Variants in GCN1 observed in about 807,000 individuals in gnomAD.
GCN1 encodes the protein stalled ribosome sensor GCN1.
Under a neutral mutation model 288.4 loss-of-function variants are expected in GCN1, and 90 were observed. That is an observed-to-expected ratio of 0.31 (90% CI 0.26 to 0.37). The LOEUF is 0.37. GCN1 is among the 10% of genes least tolerant of loss of function. The pLI, the probability that GCN1 is intolerant of heterozygous loss-of-function variation, is 1.00. For synonymous variants in GCN1, 1,386 were observed against 1,420.2 expected (o/e 0.98, Z 0.54); for missense variants, 2,586 against 3,419.9 (o/e 0.76, Z 6.08).
intron 51 of GCN1, 49 bp downstream of exon 51, chr12:120,136,453 G>T: frequency 1.4e-6 from 2 of 1,404,990 alleles, no homozygotes; most frequent in Non-Finnish European, 1.0e-6. Flanking sequence ...TCAGGCTCCT[G>T]CAGACAGACC....
chr12:120,170,865 T>TA (rs765630742), intron 14 of GCN1, among the ~76,000 whole-genome samples: 1,921 of 143,758 alleles, frequency 0.013, 34 homozygotes, highest in African/African-American at 0.026. Flanking sequence ...TAAACTCTTT[T>TA]AAAAAAAAAA....
In GCN1 at chr12:120,142,532, G is replaced by A. The variant is rs1877230609; in HGVS notation, c.5804C>T (p.Ala1935Val). 1 of 1,613,750 alleles carries A rather than the reference G, an allele frequency of 6.2e-7. No individual in the cohort carries two copies. The highest frequency in any genetic ancestry group is 1.3e-5 in the African/African-American group (1 of 74,890). Reference sequence around the variant, plus strand: ...CGTTCTCTTATCTGCACACGTGCTGGCCAGGAAACCCAGCAGGAGCCCAAA... The same window carrying A: ...CGTTCTCTTATCTGCACACGTGCTGACCAGGAAACCCAGCAGGAGCCCAAA... The part of the protein sequence containing the change: ...TLFGLLLGFL[A>V]STCADKRTIA... Residue 1935 changes from alanine (A) to valine (V), a missense_variant, in exon 44 of 58, where the codon GCC (alanine) becomes GTC (valine). Ala to Val is a moderately conservative substitution (Grantham distance 64). Transcript: ENST00000300648. This position sits in a 1 kb window ranked among gnomAD's most constrained non-coding sequence, Gnocchi z 4.9.
At chr12:120,166,699 G>A (rs1257750065) in intron 16 of GCN1, among the ~76,000 whole-genome samples, 1 of 141,112 alleles carries the variant, frequency 7.1e-6, no homozygotes, top group African/African-American at 2.7e-5. Flanking sequence ...GCGAGACTCT[G>A]TCTCAAAAAA....
At chr12:120,194,307 T>C (rs1879098808) in intron 1 of GCN1, among the ~76,000 whole-genome samples, 1 of 152,226 alleles carries the variant, frequency 6.6e-6, no homozygotes, top group South Asian at 2.1e-4. Context: ...CAAAGAATAT[T>C]TGCTGAATAC....
At chr12:120,168,354 T>C in intron 15 of GCN1, 54 bp from the exon 16 acceptor site, 1 of 1,066,378 alleles carries the variant, frequency 9.4e-7, no homozygotes, top group South Asian at 1.3e-5. Flanking sequence ...CCCCCAGAGC[T>C]GATCTACTCC....
rs1184174830 is a variant in GCN1, at chr12:120,137,969, G to C, written c.6325C>G (p.Leu2109Val). The change falls in exon 48 of 58, where the codon CTT (leucine) becomes GTT (valine). Residue 2109 changes from leucine to valine, a missense_variant. Physicochemically the swap from Leu to Val is conservative, Grantham distance 32 (BLOSUM62 1). Around this residue, in one of 8 missense-constraint regions of GCN1, gnomAD observed 437 missense variants for 570.5 expected, o/e 0.77. Coordinates refer to ENST00000300648, the MANE Select transcript of GCN1 (RefSeq NM_006836.2). The surrounding 1 kb of genome is among the most constrained non-coding windows in gnomAD (Gnocchi z 5.2). ...SVAGDALTRH[L>V]GVILPAVMLA... ...ATGACCGCTGGGAGGATCACGCCAA[G>C]ATGACGGGTGAGGGCATCACCAGCC... 1.2e-6 allele frequency: 2 copies of C among 1,614,198 alleles called. No homozygotes were observed. The highest frequency in any genetic ancestry group is 1.7e-6 in the Non-Finnish European group (2 of 1,180,022).
chr12:120,158,388 G>T lies in GCN1; in HGVS notation c.2905+72C>A, dbSNP rs1381754056. The T allele has an allele frequency of 5.4e-6, 7 of 1,304,768 alleles. No individual in the cohort carries two copies. The highest frequency in any genetic ancestry group is 1.0e-6 in the Non-Finnish European group (1 of 956,574). 80.8% of individuals were successfully genotyped at this position (1,304,768 alleles called of 1,614,324 possible). ...CCAGGCTCAGGAGGCCCTGGGTGAC[G>T]CTGTGCCTTGAGCAGCATTCCTGGC... On this transcript the variant is annotated intron_variant, in intron 25 of 57. Coordinates refer to ENST00000300648, the MANE Select transcript of GCN1 (RefSeq NM_006836.2). This position sits in a 1 kb window ranked among gnomAD's most constrained non-coding sequence, Gnocchi z 4.3.
chr12:120,159,887 C>T lies in GCN1; in HGVS notation c.2687G>A (p.Arg896Lys). 6.2e-7 allele frequency: 1 copy of T among 1,614,186 alleles called. No individual in the cohort carries two copies. Among genetic ancestry groups the T allele is most frequent in the African/African-American group, 1.3e-5 (1 of 75,066 alleles). Residue 896 changes from arginine to lysine, a missense_variant, in exon 24 of 58, where the codon AGG (arginine) becomes AAG (lysine). This residue lies in a region of GCN1 where 913 missense variants were observed against 1,107.0 expected (regional missense o/e 0.82). Transcript: ENST00000300648. The part of the protein sequence containing the change: ...PLLKSPLAAP[R>K]IKNPFLSLAA... The stretch of plus-strand genomic sequence containing the variant: ...CAAGGACAAGAAGGGGTTCTTGATC[C>T]TGGGAGCAGCCAGGGGAGACTTCAG...
chr12:120,138,097 A>T, intron 47 of GCN1, 53 bp from the exon 48 acceptor site: 2 of 1,526,536 alleles, frequency 1.3e-6, no homozygotes, highest in African/African-American at 2.7e-5. Context: ...GTGCTGCGCT[A>T]GGCTCTGGGA....
chr12:120,164,288 A>G (rs753836481), intron 18 of GCN1, 48 bp downstream of exon 18: 1 of 1,541,618 alleles, frequency 6.5e-7, no homozygotes, highest in Admixed American at 1.8e-5. Context: ...AAGCAGGGGC[A>G]GCTAAGTGGA....
At chr12:120,145,660 T>C (rs749845946) in intron 38 of GCN1, among the ~76,000 whole-genome samples, 3 of 152,242 alleles carry the variant, frequency 2.0e-5, no homozygotes, top group Non-Finnish European at 4.4e-5. Context: ...AAATTACTTC[T>C]GGTAATTTCC....
intron 10 of GCN1, 108 bp from the exon 11 acceptor site, chr12:120,175,982 A>G: frequency 7.0e-7 from 1 of 1,436,684 alleles, no homozygotes. Context: ...GTTTGCTCTC[A>G]TTCAAATAAT....
intron 2 of GCN1, among the ~76,000 whole-genome samples, chr12:120,187,960 G>A (rs1367306690): frequency 3.3e-5 from 5 of 151,552 alleles, no homozygotes; most frequent in African/African-American, 9.7e-5. Flanking sequence ...AAGTCATAGA[G>A]CTATCCCTTG....
chr12:120,192,852 C>G (rs1369906551), intron 1 of GCN1, among the ~76,000 whole-genome samples: 1 of 151,722 alleles, frequency 6.6e-6, no homozygotes, highest in Non-Finnish European at 1.5e-5. Flanking sequence ...CGAGACCAGC[C>G]TACCCAACAT....
chr12:120,173,821 C>T lies in GCN1; in HGVS notation c.1198G>A (p.Glu400Lys). The change falls in exon 14 of 58, where the codon GAA becomes AAA. Residue 400 changes from glutamate to lysine, a missense_variant. Glu to Lys is a moderately conservative substitution (Grantham distance 56, BLOSUM62 1). Transcript: ENST00000300648. ...GAGACAGCGTGTACCAAGGTCCCTT[C>T]ATGAACTAGGGCAAAAAGCAGAAGT... ...FIPFLQQEVH[E>K]GTLVHAVSVL... 6.2e-7 allele frequency: 1 copy of T among 1,613,474 alleles called. No individual in the cohort carries two copies. Among genetic ancestry groups the T allele is most frequent in the South Asian group, 1.1e-5 (1 of 91,042 alleles).
chr12:120,153,925 G>T lies in GCN1; in HGVS notation c.3702-16C>A. 1 of 1,611,082 alleles carries T rather than the reference G, an allele frequency of 6.2e-7. No homozygotes were observed. Among genetic ancestry groups the T allele is most frequent in the Non-Finnish European group, 8.5e-7 (1 of 1,178,166 alleles). ...CAAGCCACACCTGGGAAAGAAGTGG[G>T]AGCACATCAGGAGGGGCAGTCAGGG... On this transcript the variant is annotated splice_polypyrimidine_tract_variant and intron_variant, in intron 31 of 57. Coordinates refer to ENST00000300648, the MANE Select transcript of GCN1 (RefSeq NM_006836.2). The surrounding 1 kb of genome is among the most constrained non-coding windows in gnomAD (Gnocchi z 4.4).
chr12:120,136,242 GTAT>G (rs1876999737), intron 51 of GCN1, among the ~76,000 whole-genome samples: 1 of 152,156 alleles, frequency 6.6e-6, no homozygotes, highest in South Asian at 2.1e-4. Flanking sequence ...GAGGCAGCTG[GTAT>G]TATTAGTCTC....
intron 1 of GCN1, 55 bp from the exon 2 acceptor site, chr12:120,190,455 G>T: frequency 1.1e-6 from 1 of 950,878 alleles, no homozygotes; most frequent in Non-Finnish European, 1.7e-6. Context: ...AACTATGAGT[G>T]TGTGTGTTGA....
chr12:120,157,826 G>A (rs368324516), intron 26 of GCN1, 23 bp downstream of exon 26: 126 of 1,603,946 alleles, frequency 7.9e-5, no homozygotes, highest in Middle Eastern at 1.7e-4. Flanking sequence ...AAACCAAGAG[G>A]AGAGCAGAGC....
Sources: gnomAD v4.1 joint callset for allele counts (sites outside exome capture counted in the v4.1 genomes callset) on GRCh38, gnomAD v4.1.1 for gene constraint, gnomAD v4.1.1 regional missense constraint, Gnocchi (gnomAD v3.1) non-coding constraint, MANE v1.5 for transcripts, NCBI Gene and HGNC (gene_info 2026-07-23, HGNC 2026-07-21) for gene names.